The following B4GALT5 variants were observed in gnomAD, a reference collection of about 807,000 sequenced individuals.
B4GALT5 encodes beta-1,4-galactosyltransferase 5, also known as UDP-Gal:beta-GlcNAc beta-1,4-galactosyltransferase 5.
Under a neutral mutation model 45.0 loss-of-function variants are expected in B4GALT5, and 11 were observed. The observed-to-expected ratio is 0.24, with a 90% CI of 0.15 to 0.40. B4GALT5 has a LOEUF of 0.40. B4GALT5 is among the 10% of genes least tolerant of loss of function. The pLI is 1.00. For synonymous variants in B4GALT5, 185 were observed against 182.9 expected, an observed-to-expected ratio of 1.01 and a Z score of -0.09; for missense variants, 337 against 500.2, an observed-to-expected ratio of 0.67 and a Z score of 3.11.
intron 1 of B4GALT5, among the ~76,000 whole-genome samples, chr20:49,697,686 A>G (rs190399499): frequency 1.3e-5 from 2 of 152,196 alleles, no homozygotes; most frequent in East Asian, 1.9e-4. Flanking sequence ...CAGGTTATGA[A>G]TTAGCCTAAA....
chr20:49,698,414 T>C (rs1299755622), intron 1 of B4GALT5, among the ~76,000 whole-genome samples: 5 of 152,184 alleles, frequency 3.3e-5, no homozygotes, highest in African/African-American at 4.8e-5. Context: ...ACCCAAAAAG[T>C]AGCTCTTACC....
chr20:49,696,252 T>C (rs1267002571), intron 1 of B4GALT5, among the ~76,000 whole-genome samples: 1 of 152,182 alleles, frequency 6.6e-6, no homozygotes, highest in Non-Finnish European at 1.5e-5. Flanking sequence ...CCAAACAGGT[T>C]TCTGAGAAGA....
At chr20:49,640,131 C>T (rs1178370713) in intron 6 of B4GALT5, among the ~76,000 whole-genome samples, 1 of 152,156 alleles carries the variant, frequency 6.6e-6, no homozygotes, top group African/African-American at 2.4e-5. Context: ...AGCAATCACC[C>T]CCTGCTCCTC....
intron 1 of B4GALT5, among the ~76,000 whole-genome samples, chr20:49,707,910 A>G (rs762528603): frequency 6.9e-5 from 10 of 145,846 alleles, no homozygotes; most frequent in Non-Finnish European, 1.2e-4. Flanking sequence ...CACCTTGCCC[A>G]GCCTTTTTTT....
chr20:49,648,935 T>C (rs1052708050), intron 2 of B4GALT5, among the ~76,000 whole-genome samples: 6 of 152,234 alleles, frequency 3.9e-5, no homozygotes, highest in Non-Finnish European at 8.8e-5. Flanking sequence ...TTAAATCCTT[T>C]TGGATCCATG....
At chr20:49,661,510 C>T (rs1226429025) in intron 1 of B4GALT5, among the ~76,000 whole-genome samples, 5 of 152,190 alleles carry the variant, frequency 3.3e-5, no homozygotes, top group Admixed American at 6.5e-5. Context: ...GTTGGGATTA[C>T]AGACGTGAGC....
intron 1 of B4GALT5, among the ~76,000 whole-genome samples, chr20:49,675,321 T>C (rs1383254050): frequency 1.3e-5 from 2 of 152,240 alleles, no homozygotes; most frequent in African/African-American, 4.8e-5. Flanking sequence ...ACTGACCCTA[T>C]GCTGGCAACC....
At chr20:49,710,710 A>T (rs2085905697) in intron 1 of B4GALT5, among the ~76,000 whole-genome samples, 1 of 151,764 alleles carries the variant, frequency 6.6e-6, no homozygotes, top group Non-Finnish European at 1.5e-5. Flanking sequence ...GAGCCACCAC[A>T]CCCAGCCAAC....
chr20:49,688,952 A>C (rs1450453940), intron 1 of B4GALT5, among the ~76,000 whole-genome samples: 2 of 152,100 alleles, frequency 1.3e-5, no homozygotes, highest in Non-Finnish European at 2.9e-5. Flanking sequence ...AAAAAAAAAA[A>C]AAACAGGGTG....
rs575662856 is a variant in B4GALT5, at chr20:49,641,424, C to T, written c.607-759G>A. Among the ~76,000 whole-genome samples, 5 of 152,332 alleles carry T rather than the reference C, an allele frequency of 3.3e-5. No homozygotes were observed. The South Asian group carries it at 8.3e-4, about 25-fold the overall frequency. ...TCTAACTAAGACAACAGTCACTGAG[C>T]ATGCCAGGGACTCAAGCCTATGGAC... On this transcript the variant is annotated intron_variant, in intron 5 of 8. Transcript: ENST00000371711.
chr20:49,649,227 T>C (rs2085611379), intron 2 of B4GALT5, among the ~76,000 whole-genome samples: 1 of 152,196 alleles, frequency 6.6e-6, no homozygotes, highest in South Asian at 2.1e-4. Context: ...CAGTAGTAGC[T>C]TTCCTGAAAA....
chr20:49,683,878 C>T (rs745882940), intron 1 of B4GALT5, among the ~76,000 whole-genome samples: 7 of 151,696 alleles, frequency 4.6e-5, no homozygotes, highest in Admixed American at 2.0e-4. Context: ...CGGTGGCTCA[C>T]GCCTGTAATC....
chr20:49,686,700 G>C (rs1258992302), intron 1 of B4GALT5, among the ~76,000 whole-genome samples: 2 of 124,896 alleles, frequency 1.6e-5, no homozygotes, highest in Non-Finnish European at 3.2e-5. Flanking sequence ...ATGTTGCATA[G>C]GCAACATAGC....
rs563540174 is a variant in B4GALT5, at chr20:49,659,970, G to C, written c.116-3268C>G. ...AATTTTTGTATTTTTCATAGAGACG[G>C]GGTTTCAGCATGTTGGCCAGGCTGG... On this transcript the variant is annotated intron_variant, in intron 1 of 8. Transcript: ENST00000371711. 1.2e-4 allele frequency among the ~76,000 whole-genome samples: 19 copies of C among 152,138 alleles called. No individual in the cohort carries two copies. The East Asian group carries it at 2.7e-3, about 22-fold the overall frequency.
chr20:49,712,139 T>C lies in B4GALT5; in HGVS notation c.115+1437A>G, dbSNP rs565230655. Among the ~76,000 whole-genome samples, 11 of 152,344 alleles carry C rather than the reference T, an allele frequency of 7.2e-5. No individual in the cohort carries two copies. In the East Asian group the frequency reaches 2.1e-3, roughly 29 times the overall value. On this transcript the variant is annotated intron_variant, in intron 1 of 8. Transcript: ENST00000371711. The stretch of plus-strand genomic sequence containing the variant: ...CCTTAAGCGTTCCACCTAACTCCCT[T>C]CTTCCTGGAAGTTACATGTAATAGC...
rs577393586 is a variant in B4GALT5, at chr20:49,644,828, C to T, written c.365-1178G>A. ...TGAGAATATGTTCAAATACCATGCA[C>T]GACTATTTCTAACATTTTCCCTATT... On this transcript the variant is annotated intron_variant, in intron 3 of 8. Coordinates refer to ENST00000371711, the MANE Select transcript of B4GALT5 (RefSeq NM_004776.4). Among the ~76,000 whole-genome samples, 64 of 152,106 alleles carry T rather than the reference C, an allele frequency of 4.2e-4. 1 individual carries two copies. Among genetic ancestry groups the T allele is most frequent in the African/African-American group, 1.5e-3 (61 of 41,488 alleles).
chr20:49,645,920 A>G (rs2085597206), intron 3 of B4GALT5, among the ~76,000 whole-genome samples: 1 of 151,584 alleles, frequency 6.6e-6, no homozygotes. Context: ...TAGTGGCACG[A>G]TCATGGCACA....
intron 3 of B4GALT5, 33 bp downstream of exon 3, chr20:49,646,932 A>G: frequency 7.1e-7 from 1 of 1,406,112 alleles, no homozygotes; most frequent in Non-Finnish European, 9.9e-7. Flanking sequence ...TCCATTTTAA[A>G]AGCAGAGGAA....
At chr20:49,707,690 T>C (rs1356889091) in intron 1 of B4GALT5, among the ~76,000 whole-genome samples, 4 of 152,116 alleles carry the variant, frequency 2.6e-5, no homozygotes, top group African/African-American at 7.2e-5. Context: ...TCATGGCTCA[T>C]TGCAGCCTCG....
Sources: gnomAD v4.1 joint callset for allele counts (sites outside exome capture counted in the v4.1 genomes callset) on GRCh38, gnomAD v4.1.1 for gene constraint, MANE v1.5 for transcripts, NCBI Gene and HGNC (gene_info 2026-07-23, HGNC 2026-07-21) for gene names.